The following HYDIN variants were observed in gnomAD, a reference collection of about 807,000 sequenced individuals.
The protein encoded by HYDIN is HYDIN axonemal central pair apparatus protein, also known as axonemal central pair apparatus protein HYDIN.
In HYDIN, 132 loss-of-function variants were observed where a neutral mutation model predicts 403.9. The observed-to-expected ratio is 0.33, with a 90% CI of 0.28 to 0.38. The LOEUF (loss-of-function observed/expected upper bound fraction) is 0.38. Among genes scored for constraint, HYDIN ranks in the 10% least tolerant of loss-of-function variants. The pLI, the probability that HYDIN is intolerant of heterozygous loss-of-function variation, is 1.00. For synonymous variants in HYDIN, 1,202 were observed against 1,891.7 expected (o/e 0.64, Z 9.46); for missense variants, 2,827 against 5,009.5 (o/e 0.56, Z 13.15).
intron 20 of HYDIN, among the ~76,000 whole-genome samples, chr16:71,025,935 T>C (rs1165258615): frequency 2.0e-5 from 3 of 151,694 alleles, no homozygotes; most frequent in Non-Finnish European, 4.4e-5. Flanking sequence ...GAGTTTGCTC[T>C]TGTCGCCCAG....
At chr16:71,179,776 G>A (rs745622576) in intron 3 of HYDIN, among the ~76,000 whole-genome samples, 44 of 152,070 alleles carry the variant, frequency 2.9e-4, no homozygotes, top group Non-Finnish European at 4.7e-4. Context: ...TCATCAAAGT[G>A]AATATAGCAT....
chr16:70,840,663 G>T (rs1270391047), intron 75 of HYDIN, among the ~76,000 whole-genome samples: 3 of 152,232 alleles, frequency 2.0e-5, no homozygotes, highest in Admixed American at 6.5e-5. Flanking sequence ...GGACAAGAGG[G>T]TGTTCTATCT....
intron 1 of HYDIN, among the ~76,000 whole-genome samples, chr16:71,203,069 G>A (rs950763820): frequency 9.9e-5 from 15 of 152,160 alleles, no homozygotes; most frequent in Non-Finnish European, 1.5e-5. Flanking sequence ...TAAAGGTATT[G>A]GTAGCCTCAT....
At chr16:71,087,186 C>T (rs184145607) in intron 12 of HYDIN, among the ~76,000 whole-genome samples, 32 of 152,242 alleles carry the variant, frequency 2.1e-4, no homozygotes, top group African/African-American at 7.5e-4. Context: ...GAGGCACACA[C>T]GTTCACTCTC....
intron 53 of HYDIN, among the ~76,000 whole-genome samples, chr16:70,896,685 T>A (rs1438435103): frequency 7.2e-6 from 1 of 138,380 alleles, no homozygotes; most frequent in African/African-American, 2.8e-5. Flanking sequence ...AACTTCTAAA[T>A]CAAATGAACC....
At chr16:71,151,134 A>G (rs903313319) in intron 7 of HYDIN, among the ~76,000 whole-genome samples, 5 of 152,166 alleles carry the variant, frequency 3.3e-5, no homozygotes, top group Non-Finnish European at 7.4e-5. Context: ...TGATGCCCCA[A>G]TGTGTTATGA....
intron 83 of HYDIN, among the ~76,000 whole-genome samples, chr16:70,824,626 C>G (rs2036472248): frequency 6.7e-6 from 1 of 150,082 alleles, no homozygotes; most frequent in Non-Finnish European, 1.5e-5. Context: ...CTCCTGGGTT[C>G]AAGCAATTCT....
chr16:71,116,911 T>C (rs2084057312), intron 9 of HYDIN, among the ~76,000 whole-genome samples: 1 of 152,168 alleles, frequency 6.6e-6, no homozygotes, highest in Non-Finnish European at 1.5e-5. Context: ...GTGTTCCCAG[T>C]ACCGGGGCTT....
intron 23 of HYDIN, among the ~76,000 whole-genome samples, chr16:70,992,581 T>C (rs2079393902): frequency 6.7e-6 from 1 of 148,780 alleles, no homozygotes; most frequent in Non-Finnish European, 1.5e-5. Context: ...GGCATGGTCA[T>C]GAATGAATGA....
intron 1 of HYDIN, among the ~76,000 whole-genome samples, chr16:71,201,314 C>G (rs1455447078): frequency 6.6e-6 from 1 of 152,168 alleles, no homozygotes; most frequent in Admixed American, 6.5e-5. Context: ...GGATTGACAG[C>G]TGAATCACTG....
chr16:71,014,359 C>A (rs925855371), intron 23 of HYDIN, among the ~76,000 whole-genome samples: 1 of 111,520 alleles, frequency 9.0e-6, no homozygotes, highest in South Asian at 3.3e-4. Context: ...ACATACCCTC[C>A]GCCAACATCA....
At chr16:71,002,083 T>C (rs1333849272) in intron 23 of HYDIN, among the ~76,000 whole-genome samples, 1 of 152,268 alleles carries the variant, frequency 6.6e-6, no homozygotes, top group East Asian at 1.9e-4. Flanking sequence ...ATTCTTTATG[T>C]AGTATGTAGA....
At chr16:70,993,171 C>T (rs1373995528) in intron 23 of HYDIN, among the ~76,000 whole-genome samples, 2 of 152,206 alleles carry the variant, frequency 1.3e-5, no homozygotes, top group Admixed American at 6.5e-5. Context: ...TTTTAGGACA[C>T]TGTCCACTCT....
chr16:70,948,410 A>G (rs371952858), intron 41 of HYDIN, among the ~76,000 whole-genome samples: 40 of 151,798 alleles, frequency 2.6e-4, no homozygotes, highest in East Asian at 1.9e-3. Flanking sequence ...AGGACTTCAT[A>G]TCTAAAACAC....
chr16:70,997,835 G>A (rs1262468941), intron 23 of HYDIN, among the ~76,000 whole-genome samples: 1 of 151,844 alleles, frequency 6.6e-6, no homozygotes, highest in Non-Finnish European at 1.5e-5. Flanking sequence ...ACTCCCTGTA[G>A]TAAAAAGGGT....
rs532986403 is a variant in HYDIN, at chr16:70,890,880, C to G, written c.9656+766G>C. ...CTGGTAGGCTGAAGGCATCACCGCA[C>G]TTCCTCTCTTCCACGCTTCCAGAGC... On this transcript the variant is annotated intron_variant, in intron 57 of 85. Transcript: ENST00000393567. Among the ~76,000 whole-genome samples the G allele has an allele frequency of 5.5e-4, 84 of 151,862 alleles. 2 individuals are homozygous for G. The East Asian group carries it at 0.01, about 18-fold the overall frequency.
intron 6 of HYDIN, among the ~76,000 whole-genome samples, chr16:71,158,394 A>G (rs1315846640): frequency 6.6e-6 from 1 of 152,044 alleles, no homozygotes; most frequent in African/African-American, 2.4e-5. Flanking sequence ...TCATAGGTAG[A>G]TAGATAGAAA....
chr16:70,897,696 C>T (rs2076244581), intron 53 of HYDIN, among the ~76,000 whole-genome samples: 1 of 151,328 alleles, frequency 6.6e-6, no homozygotes, highest in African/African-American at 2.5e-5. Flanking sequence ...TGAAATAAAA[C>T]AAGTTCACCA....
intron 84 of HYDIN, among the ~76,000 whole-genome samples, chr16:70,817,798 G>A (rs550799885): frequency 6.6e-6 from 1 of 152,060 alleles, no homozygotes; most frequent in African/African-American, 2.4e-5. Flanking sequence ...CTGCAGTGCA[G>A]TGGCACAGTC....
Sources: gnomAD v4.1 joint callset for allele counts (sites outside exome capture counted in the v4.1 genomes callset) on GRCh38, gnomAD v4.1.1 for gene constraint, MANE v1.5 for transcripts, NCBI Gene and HGNC (gene_info 2026-07-23, HGNC 2026-07-21) for gene names.